SLCO2B1: variants seen among roughly 807,000 people sequenced by gnomAD.
SLCO2B1 encodes solute carrier organic anion transporter family member 2B1, also known as OATP-RP2.
Under a neutral mutation model 67.3 loss-of-function variants are expected in SLCO2B1, and 41 were observed. The observed-to-expected ratio is 0.61, with a 90% CI of 0.47 to 0.79. The LOEUF (loss-of-function observed/expected upper bound fraction) is 0.79. Among genes scored for constraint, SLCO2B1 ranks in the 30% least tolerant of loss-of-function variants. SLCO2B1 has a pLI of 0.00. For missense variants in SLCO2B1, 837 were observed against 920.1 expected (o/e 0.91, Z 1.17); for synonymous variants, 379 against 381.4 (o/e 0.99, Z 0.07).
At chr11:75,155,301 C>G (rs1423163537) in intron 1 of SLCO2B1, among the ~76,000 whole-genome samples, 3 of 152,142 alleles carry the variant, frequency 2.0e-5, no homozygotes, top group Admixed American at 1.3e-4. Flanking sequence ...TTGACTCTCT[C>G]TCCTCCAGAA....
rs942652288 is a variant in SLCO2B1 at position 75,205,748 on chromosome 11, T to A, written c.*1168T>A. On this transcript the variant is annotated 3_prime_UTR_variant, in exon 14 of 14. Coordinates refer to ENST00000289575, the MANE Select transcript of SLCO2B1 (RefSeq NM_007256.5). ...CGTGTCTTATGATCCAATCCTTTTCTACATCAGCCCTTGTTTTGTTTTATG... is the reference window on the plus strand; with the variant it reads ...CGTGTCTTATGATCCAATCCTTTTCAACATCAGCCCTTGTTTTGTTTTATG... The A allele has an allele frequency of 8.5e-5, 13 of 152,410 alleles. No homozygotes were observed. The highest frequency in any genetic ancestry group is 3.4e-3 in the Middle Eastern group (1 of 294). 9.4% of individuals were successfully genotyped at this position (152,410 alleles called of 1,614,324 possible).
intron 11 of SLCO2B1, 72 bp from the exon 12 acceptor site, chr11:75,202,829 T>G (rs1727321085): frequency 1.5e-6 from 2 of 1,331,250 alleles, no homozygotes; most frequent in Non-Finnish European, 2.2e-6. Context: ...TAAGAACCCT[T>G]CAACGTTGAT....
intron 8 of SLCO2B1, among the ~76,000 whole-genome samples, chr11:75,190,801 C>T (rs942573916): frequency 6.6e-6 from 1 of 152,126 alleles, no homozygotes; most frequent in Non-Finnish European, 1.5e-5. Flanking sequence ...AGGCTCCTGG[C>T]TGATGAGGAA....
At chr11:75,185,955 C>T (rs1378879157) in intron 7 of SLCO2B1, among the ~76,000 whole-genome samples, 2 of 152,178 alleles carry the variant, frequency 1.3e-5, no homozygotes, top group Non-Finnish European at 2.9e-5. Flanking sequence ...TATCAGGACA[C>T]TCCTAAGTCT....
At chr11:75,166,113 A>G (rs999937929) in intron 4 of SLCO2B1, among the ~76,000 whole-genome samples, 164 bp downstream of exon 4, 2 of 152,118 alleles carry the variant, frequency 1.3e-5, no homozygotes, top group African/African-American at 4.8e-5. Context: ...GCCCCAGCCC[A>G]GGTGGGTCTC....
chr11:75,203,180 G>T, intron 12 of SLCO2B1, 127 bp from the exon 13 acceptor site: 1 of 1,379,438 alleles, frequency 7.2e-7, no homozygotes. Context: ...CAGGGGTGGG[G>T]CGGGCTTGAG....
chr11:75,161,182 C>T (rs1278353132), intron 1 of SLCO2B1, among the ~76,000 whole-genome samples: 1 of 152,120 alleles, frequency 6.6e-6, no homozygotes, highest in African/African-American at 2.4e-5. Flanking sequence ...GTGAAAGAAG[C>T]CAGTCACAAA....
rs1043277696 is a variant in SLCO2B1, at chr11:75,193,928, A to C, written c.1433+353A>C. ...GATGAGCCAGAGGCTACATCACAGG[A>C]GCCAGGACCCAGCTCAGCCAGAGGA... On this transcript the variant is annotated intron_variant, in intron 9 of 13. Coordinates refer to ENST00000289575, the MANE Select transcript of SLCO2B1 (RefSeq NM_007256.5). This position sits in a 1 kb window ranked among gnomAD's most constrained non-coding sequence, Gnocchi z 4.2. Among the ~76,000 whole-genome samples the C allele has an allele frequency of 2.0e-5, 3 of 152,090 alleles. No individual in the cohort carries two copies. The highest frequency in any genetic ancestry group is 7.2e-5 in the African/African-American group (3 of 41,414).
At chr11:75,196,977 G>A (rs767070793) in intron 10 of SLCO2B1, among the ~76,000 whole-genome samples, 5 of 152,184 alleles carry the variant, frequency 3.3e-5, no homozygotes, top group Non-Finnish European at 2.9e-5. Context: ...TTAGCCAGGC[G>A]TGGTGGTGTG....
chr11:75,167,076 A>G (rs1452167636), intron 4 of SLCO2B1, among the ~76,000 whole-genome samples: 2 of 152,208 alleles, frequency 1.3e-5, no homozygotes, highest in African/African-American at 4.8e-5. Context: ...AGAGGAGGCC[A>G]TTAGAGCCCT....
Position 75,169,234 on chromosome 11 carries a change from G to A in SLCO2B1, c.510G>A (p.Ser170=), listed in dbSNP as rs376609135. Reference sequence around the variant, plus strand: ...TGCCCACAACCTCGGCCCCAGCCTCGGCCCCCTCCAATGGCAACTGCTCAA... The same window carrying A: ...TGCCCACAACCTCGGCCCCAGCCTCAGCCCCCTCCAATGGCAACTGCTCAA... ...LCLPTTSAPA[S]APSNGNCSSY... Residue 170 remains serine, a synonymous_variant, in exon 5 of 14, where the codon TCG becomes TCA. Coordinates refer to ENST00000289575, the MANE Select transcript of SLCO2B1 (RefSeq NM_007256.5). 35 of 1,613,926 alleles carry A rather than the reference G, an allele frequency of 2.2e-5. No homozygotes were observed. The highest frequency in any genetic ancestry group is 7.7e-5 in the South Asian group (7 of 91,080).
chr11:75,157,136 G>T (rs1342496900), intron 1 of SLCO2B1: 2 of 152,198 alleles, frequency 1.3e-5, no homozygotes, highest in Admixed American at 6.5e-5. Context: ...CAATTCAATG[G>T]TTTTGAATTT....
At chr11:75,154,489 A>G (rs1949724875) in intron 1 of SLCO2B1, among the ~76,000 whole-genome samples, 1 of 152,124 alleles carries the variant, frequency 6.6e-6, no homozygotes, top group African/African-American at 2.4e-5. Context: ...AACAAGAGTG[A>G]GACTCCATCT....
chr11:75,189,770 G>A (rs1056715472), intron 8 of SLCO2B1, among the ~76,000 whole-genome samples: 3 of 152,008 alleles, frequency 2.0e-5, no homozygotes, highest in East Asian at 1.9e-4. Context: ...AACATAAGGA[G>A]ACCCTGCCTC....
At position 75,165,898 on chromosome 11, in the gene SLCO2B1, A is replaced by G; in HGVS notation, c.397A>G (p.Thr133Ala). The G allele has an allele frequency of 6.2e-7, 1 of 1,612,488 alleles. No individual in the cohort carries two copies. Among genetic ancestry groups the G allele is most frequent in the Non-Finnish European group, 8.5e-7 (1 of 1,179,556 alleles). Reference protein sequence around the residue: ...ILVALAGLLMTLPHFISEPYR... With the variant: ...ILVALAGLLMALPHFISEPYR... ...TGTGGCCCTGGCGGGCCTGCTCATG[A>G]CTCTCCCGCACTTCATCTCGGAGCC... The change falls in exon 4 of 14, where the codon ACT (threonine) becomes GCT (alanine). Residue 133 changes from threonine to alanine, a missense_variant. Thr to Ala is a moderately conservative substitution (Grantham distance 58). Transcript: ENST00000289575.
intron 1 of SLCO2B1, among the ~76,000 whole-genome samples, chr11:75,159,607 G>C (rs984265791): frequency 6.6e-6 from 1 of 152,198 alleles, no homozygotes; most frequent in South Asian, 2.1e-4. Flanking sequence ...CGTCAGCAGA[G>C]ACCCCAGCCC....
chr11:75,171,283 G>T (rs1949957864), intron 6 of SLCO2B1, among the ~76,000 whole-genome samples: 1 of 152,072 alleles, frequency 6.6e-6, no homozygotes, highest in Admixed American at 6.6e-5. Context: ...TTTTTGTTTT[G>T]AGACAGGGTC....
intron 1 of SLCO2B1, among the ~76,000 whole-genome samples, chr11:75,156,451 T>A (rs1202752440): frequency 6.6e-6 from 1 of 151,972 alleles, no homozygotes; most frequent in African/African-American, 2.4e-5. Flanking sequence ...CCCAAGCAAC[T>A]TTAGGAGGTA....
At chr11:75,158,740 C>T (rs995454890) in intron 1 of SLCO2B1, among the ~76,000 whole-genome samples, 1 of 152,180 alleles carries the variant, frequency 6.6e-6, no homozygotes, top group African/African-American at 2.4e-5. Flanking sequence ...GGGATGTGCC[C>T]AGGCTCACAC....
Sources: gnomAD v4.1 joint callset for allele counts (sites outside exome capture counted in the v4.1 genomes callset) on GRCh38, gnomAD v4.1.1 for gene constraint, Gnocchi (gnomAD v3.1) non-coding constraint, MANE v1.5 for transcripts, NCBI Gene and HGNC (gene_info 2026-07-23, HGNC 2026-07-21) for gene names.